Variants in CLIP3 observed in about 807,000 individuals in gnomAD.
CLIP3 encodes the protein CAP-Gly domain containing linker protein 3, also known as CAP-Gly domain-containing linker protein 3.
CLIP3 carries 15 observed loss-of-function variants against 59.4 expected under a neutral mutation model. That is an observed-to-expected ratio of 0.25 (90% confidence interval 0.17 to 0.39). The LOEUF is 0.39. CLIP3 is among the 10% of genes least tolerant of loss of function. CLIP3 has a pLI of 1.00. For missense variants in CLIP3, 495 were observed against 765.7 expected, an observed-to-expected ratio of 0.65 and a Z score of 4.17; for synonymous variants, 300 against 321.6, an observed-to-expected ratio of 0.93 and a Z score of 0.72.
At position 36,024,687 on chromosome 19, in the gene CLIP3, A is replaced by G. The variant is rs1969048768; in HGVS notation, c.682-55T>C. ...ACTCAGTGGCACAGGTCACACCCCC[A>G]TGGAGGCCCTGCCCCTAGAGACCAC... On this transcript the variant is annotated intron_variant, in intron 6 of 13. Coordinates refer to ENST00000360535, the MANE Select transcript of CLIP3 (RefSeq NM_015526.3). The G allele has an allele frequency of 6.5e-6, 10 of 1,537,108 alleles. No individual in the cohort carries two copies. In the Admixed American group the frequency reaches 8.5e-5, roughly 13 times the overall value.
In CLIP3 at chr19:36,032,432, G is replaced by C. The variant is rs1018502427; in HGVS notation, c.-58-17C>G. The C allele has an allele frequency of 2.4e-5, 16 of 670,634 alleles. No homozygotes were observed. The highest frequency in any genetic ancestry group is 3.4e-5 in the East Asian group (1 of 29,316). 41.5% of individuals were successfully genotyped at this position (670,634 alleles called of 1,614,324 possible). A position where few individuals can be genotyped will look rare whatever the true frequency, so the allele number is the denominator to read the frequency against. On this transcript the variant is annotated splice_polypyrimidine_tract_variant and intron_variant, in intron 1 of 13. Coordinates refer to ENST00000360535, the MANE Select transcript of CLIP3 (RefSeq NM_015526.3). The surrounding 1 kb of genome is among the most constrained non-coding windows in gnomAD (Gnocchi z 4.3). ...AGGCAAATCCTGGAGGCAGAGGTCA[G>C]CTGGAGAGGGTGCCCGGCAGGCTCC... is the stretch of plus-strand genomic sequence containing the variant.
Position 36,032,456 on chromosome 19 carries a change from C to T in CLIP3, c.-58-41G>A. 2 of 533,340 alleles carry T rather than the reference C, an allele frequency of 3.7e-6. No homozygotes were observed. Among genetic ancestry groups the T allele is most frequent in the Non-Finnish European group, 5.8e-6 (2 of 346,218 alleles). The allele number at this position is 533,340 out of a possible 1,614,324, so 33.0% of individuals were successfully genotyped here. A position where few individuals can be genotyped will look rare whatever the true frequency, so the allele number is the denominator to read the frequency against. On this transcript the variant is annotated intron_variant, in intron 1 of 13. Transcript: ENST00000360535. This position sits in a 1 kb window ranked among gnomAD's most constrained non-coding sequence, Gnocchi z 4.3. ...AGCTGGAGAGGGTGCCCGGCAGGCT[C>T]CAGGGTCCAAGCCCCTAGGAGCTTC... is the stretch of plus-strand genomic sequence containing the variant.
At chr19:36,031,221 G>A (rs1969259397) in intron 2 of CLIP3, among the ~76,000 whole-genome samples, 1 of 151,418 alleles carries the variant, frequency 6.6e-6, no homozygotes, top group Non-Finnish European at 1.5e-5. Flanking sequence ...TCACCATGTT[G>A]GCCATGGCTG....
rs950008728 is a variant in CLIP3, at chr19:36,026,066, G to A, written c.681+81C>T. Reference sequence around the variant, plus strand: ...CATTTGTAGTATTTGGGGAGTCACGGGAAACGCAGAGACCTGCTGGAGGGA... The same window carrying A: ...CATTTGTAGTATTTGGGGAGTCACGAGAAACGCAGAGACCTGCTGGAGGGA... On this transcript the variant is annotated intron_variant, in intron 6 of 13. Coordinates refer to ENST00000360535, the MANE Select transcript of CLIP3 (RefSeq NM_015526.3). The surrounding 1 kb of genome is among the most constrained non-coding windows in gnomAD (Gnocchi z 6.3). 2.8e-6 allele frequency: 3 copies of A among 1,058,560 alleles called. No individual in the cohort carries two copies. The highest frequency in any genetic ancestry group is 4.3e-6 in the Non-Finnish European group (3 of 690,770). 65.6% of individuals were successfully genotyped at this position (1,058,560 alleles called of 1,614,324 possible). A position where few individuals can be genotyped will look rare whatever the true frequency, so the allele number is the denominator to read the frequency against.
In CLIP3 at chr19:36,019,156, C is replaced by A; in HGVS notation, c.1054+15G>T. On this transcript the variant is annotated intron_variant, in intron 8 of 13. Transcript: ENST00000360535. ...CACCCAGCCACACCCCTCTTGGGCC[C>A]GAGGTCGGACTAACCCTGCTTGGGA... The A allele has an allele frequency of 6.2e-7, 1 of 1,613,906 alleles. No homozygotes were observed. Among genetic ancestry groups the A allele is most frequent in the East Asian group, 2.2e-5 (1 of 44,894 alleles).
rs757898594 is a variant in CLIP3 at position 36,026,312 on chromosome 19, C to G, written c.563-47G>C. On this transcript the variant is annotated intron_variant, in intron 5 of 13. Transcript: ENST00000360535. The surrounding 1 kb of genome is among the most constrained non-coding windows in gnomAD (Gnocchi z 6.3). Reference sequence around the variant, plus strand: ...GGTTCCGGGTGAGCGCCTGTGGGACCCCAGCCCTCCTCCCACCTCGGGGCT... The same window carrying G: ...GGTTCCGGGTGAGCGCCTGTGGGACGCCAGCCCTCCTCCCACCTCGGGGCT... The G allele has an allele frequency of 6.7e-7, 1 of 1,490,750 alleles. No individual in the cohort carries two copies. The highest frequency in any genetic ancestry group is 9.3e-7 in the Non-Finnish European group (1 of 1,071,514). The allele number at this position is 1,490,750 out of a possible 1,614,324, so 92.3% of individuals were successfully genotyped here. A position where few individuals can be genotyped will look rare whatever the true frequency, so the allele number is the denominator to read the frequency against.
intron 2 of CLIP3, among the ~76,000 whole-genome samples, chr19:36,030,822 C>G (rs1265920002): frequency 1.3e-5 from 2 of 152,120 alleles, no homozygotes; most frequent in East Asian, 1.9e-4. Context: ...TTTGCACTTG[C>G]TGCTGTCTGC....
rs1264482063 is a variant in CLIP3, at chr19:36,027,025, A to G, written c.327T>C (p.His109=). 3 of 1,600,452 alleles carry G rather than the reference A, an allele frequency of 1.9e-6. No individual in the cohort carries two copies. The highest frequency in any genetic ancestry group is 2.6e-6 in the Non-Finnish European group (3 of 1,175,134). Residue 109 remains histidine (H), a synonymous_variant, in exon 4 of 14, where the codon CAT becomes CAC. Transcript: ENST00000360535. ...CGGTCAGCCCGTCACGATCGTTCAC[A>G]TGGCAGCCTCGGCGCAGAATCTGTG... The part of the protein sequence containing the change: ...IGNEILRRGC[H]VNDRDGLTDM...
chr19:36,032,342 G>T lies in CLIP3; in HGVS notation c.16C>A (p.Pro6Thr). The T allele has an allele frequency of 7.9e-7, 1 of 1,267,670 alleles. No homozygotes were observed. The highest frequency in any genetic ancestry group is 1.0e-6 in the Non-Finnish European group (1 of 998,480). 78.5% of individuals were successfully genotyped at this position (1,267,670 alleles called of 1,614,324 possible). The change falls in exon 2 of 14, where the codon CCT becomes ACT. Residue 6 changes from proline to threonine, a missense_variant. This residue lies in a region of CLIP3 where 90 missense variants were observed against 105.2 expected (regional missense o/e 0.86). Transcript: ENST00000360535. This position sits in a 1 kb window ranked among gnomAD's most constrained non-coding sequence, Gnocchi z 4.3. MTKTD[P>T]APMAPPPRGE... is the part of the protein sequence containing the mutation. ...CGGGGTGGCGGGGCCATCGGGGCAG[G>T]ATCTGTCTTAGTCATGGTCCTCGGT... is the stretch of plus-strand genomic sequence containing the variant.
At chr19:36,018,835 G>C in intron 9 of CLIP3, 63 bp downstream of exon 9, 2 of 1,550,260 alleles carry the variant, frequency 1.3e-6, no homozygotes, top group Non-Finnish European at 1.7e-6. Context: ...AGTCACAGAA[G>C]CTGAGCTACC....
Position 36,024,552 on chromosome 19 carries a change from C to T in CLIP3, c.762G>A (p.Val254=). The change falls in exon 7 of 14, where the codon GTG becomes GTA. Residue 254 remains valine (V), a synonymous_variant. Coordinates refer to ENST00000360535, the MANE Select transcript of CLIP3 (RefSeq NM_015526.3). ...CCAGAAGCGTCCGCAGCTCCTTGGC[C>T]ACCAGTGCCGCCTCTGCCTTGTCCA... The part of the protein sequence containing the change: ...MSLDKAEAAL[V]AKELRTLLEE... 6.2e-7 allele frequency: 1 copy of T among 1,614,254 alleles called. No homozygotes were observed. Among genetic ancestry groups the T allele is most frequent in the Non-Finnish European group, 8.5e-7 (1 of 1,180,046 alleles).
rs1444815524 is a variant in CLIP3 at position 36,026,716 on chromosome 19, C to T, written c.432G>A (p.Gln144=). The part of the protein sequence containing the change: ...GDPAAAVRLS[Q]QLLALGADVT... ...CATCTGCGCCCAGCGCCAGCAGCTG[C>T]TGCGAGAGGCGCACGGCTGCCGCGG... is the stretch of plus-strand genomic sequence containing the variant. The change falls in exon 5 of 14, where the codon CAG becomes CAA. Residue 144 remains glutamine (Q), a synonymous_variant. Coordinates refer to ENST00000360535, the MANE Select transcript of CLIP3 (RefSeq NM_015526.3). This position sits in a 1 kb window ranked among gnomAD's most constrained non-coding sequence, Gnocchi z 6.3. The T allele has an allele frequency of 6.2e-7, 1 of 1,603,340 alleles. No homozygotes were observed. Among genetic ancestry groups the T allele is most frequent in the Non-Finnish European group, 8.5e-7 (1 of 1,177,244 alleles).
At chr19:36,027,070 G>A (rs757787125) in intron 3 of CLIP3, 25 bp from the exon 4 acceptor site, 3 of 1,600,500 alleles carry the variant, frequency 1.9e-6, no homozygotes, top group South Asian at 1.1e-5. Flanking sequence ...GGAGCAGGGA[G>A]GGTCACCCAC....
In CLIP3 at chr19:36,027,223, A is replaced by G. The variant is rs1969137911; in HGVS notation, c.215T>C (p.Phe72Ser). 3 of 1,613,446 alleles carry G rather than the reference A, an allele frequency of 1.9e-6. No individual in the cohort carries two copies. Among genetic ancestry groups the G allele is most frequent in the Non-Finnish European group, 2.5e-6 (3 of 1,179,774 alleles). Residue 72 changes from phenylalanine to serine, a missense_variant, in exon 3 of 14, where the codon TTT (phenylalanine) becomes TCT (serine). Phe to Ser is a radical substitution (Grantham distance 155, BLOSUM62 -2). Around this residue, in one of 5 missense-constraint regions of CLIP3, gnomAD observed 90 missense variants for 105.2 expected, o/e 0.86. Coordinates refer to ENST00000360535, the MANE Select transcript of CLIP3 (RefSeq NM_015526.3). ...PNDPACQEIL[F>S]DPQTTIPELF... ...CTCGGGGATGGTGGTCTGAGGGTCA[A>G]ACAGGATCTCCTGGCACGCCGGGTC...
intron 12 of CLIP3, 122 bp from the exon 13 acceptor site, chr19:36,017,101 T>G: frequency 9.7e-7 from 1 of 1,033,290 alleles, no homozygotes; most frequent in Non-Finnish European, 1.5e-6. Flanking sequence ...GATCCTACAT[T>G]CCCAATACCC....
At chr19:36,020,846 G>A (rs1474744148) in intron 7 of CLIP3, among the ~76,000 whole-genome samples, 1 of 151,960 alleles carries the variant, frequency 6.6e-6, no homozygotes, top group South Asian at 2.1e-4. Flanking sequence ...GCAAGTATTC[G>A]TTATTGAAAT....
At chr19:36,025,201 G>A (rs1969069009) in intron 6 of CLIP3, among the ~76,000 whole-genome samples, 1 of 152,060 alleles carries the variant, frequency 6.6e-6, no homozygotes, top group African/African-American at 2.4e-5. Context: ...TAGGGATGAG[G>A]GCCACACTTC....
rs1225557329 is a variant in CLIP3, at chr19:36,031,030, T to C, written c.166+1162A>G. Among the ~76,000 whole-genome samples, 6 of 124,330 alleles carry C rather than the reference T, an allele frequency of 4.8e-5. 1 individual carries two copies. The highest frequency in any genetic ancestry group is 1.3e-4 in the African/African-American group (4 of 29,680). The allele number at this position is 124,330 out of a possible 152,430, so 81.6% of individuals were successfully genotyped here. On this transcript the variant is annotated intron_variant, in intron 2 of 13. Transcript: ENST00000360535. ...TTTCTTTTTTTTTTTTTTCTTTTTT[T>C]TTTTTTTTTTTGAGACAGTCTTACT... is the stretch of plus-strand genomic sequence containing the variant.
In CLIP3 at chr19:36,026,256, G is replaced by T. The variant is rs1264086259; in HGVS notation, c.572C>A (p.Ser191Tyr). Residue 191 changes from serine (S) to tyrosine (Y), a missense_variant, in exon 6 of 14, where the codon TCC (serine) becomes TAC (tyrosine). Physicochemically the swap from Ser to Tyr is moderately radical, Grantham distance 144. Transcript: ENST00000360535. This position sits in a 1 kb window ranked among gnomAD's most constrained non-coding sequence, Gnocchi z 6.3. ...LKGARPRVVN[S>Y]TCSDFNHGSA... is the part of the protein sequence containing the mutation. ...GCCGTGGTTGAAGTCACTGCACGTG[G>T]AGTTCACCACTGGAAGTGGGCAAGA... 6.2e-7 allele frequency: 1 copy of T among 1,612,542 alleles called. No individual in the cohort carries two copies. The highest frequency in any genetic ancestry group is 8.5e-7 in the Non-Finnish European group (1 of 1,179,208).
Sources: gnomAD v4.1 joint callset for allele counts (sites outside exome capture counted in the v4.1 genomes callset) on GRCh38, gnomAD v4.1.1 for gene constraint, gnomAD v4.1.1 regional missense constraint, Gnocchi (gnomAD v3.1) non-coding constraint, MANE v1.5 for transcripts, NCBI Gene and HGNC (gene_info 2026-07-23, HGNC 2026-07-21) for gene names.